The following CELF5 variants were observed in gnomAD, a reference collection of about 807,000 sequenced individuals.
The protein encoded by CELF5 is CUG-BP and ETR-3 like factor 5.
In CELF5, 6 loss-of-function variants were observed where a neutral mutation model predicts 54.9. The ratio of observed to expected loss-of-function variants is 0.11; its 90% CI spans 0.06 to 0.22. CELF5 has a LOEUF of 0.22. Among genes scored for constraint, CELF5 ranks in the 10% least tolerant of loss-of-function variants. The pLI, the probability that CELF5 is intolerant of heterozygous loss-of-function variation, is 1.00. For missense variants in CELF5, 401 were observed against 678.6 expected, an observed-to-expected ratio of 0.59 and a Z score of 4.54; for synonymous variants, 271 against 290.9, an observed-to-expected ratio of 0.93 and a Z score of 0.70.
At chr19:3,295,922 G>C (rs1281986617) in intron 12 of CELF5, 1 of 152,214 alleles carries the variant, frequency 6.6e-6, no homozygotes, top group Non-Finnish European at 1.5e-5. Context: ...CATTGTCCCT[G>C]CCTTCGAATC....
chr19:3,265,537 C>G (rs2316047), intron 2 of CELF5, among the ~76,000 whole-genome samples: 35,795 of 152,042 alleles, frequency 0.24, 4,458 homozygotes, highest in Middle Eastern at 0.3. Context: ...GAGACAGAGT[C>G]TCGCTGTTTT....
intron 2 of CELF5, among the ~76,000 whole-genome samples, chr19:3,259,963 G>A (rs2079785650): frequency 6.6e-6 from 1 of 152,084 alleles, no homozygotes; most frequent in South Asian, 2.1e-4. Context: ...AATAGAAAGA[G>A]AATGTGAGCC....
chr19:3,282,290 A>C lies in CELF5; in HGVS notation c.892+23A>C. 6.2e-7 allele frequency: 1 copy of C among 1,610,284 alleles called. No homozygotes were observed. The highest frequency in any genetic ancestry group is 8.5e-7 in the Non-Finnish European group (1 of 1,179,928). ...CTGGTGAGCCTCCTCCAGGCACCCA[A>C]GGATGGGTGGGCAGGGCTGGAGCCA... On this transcript the variant is annotated intron_variant, in intron 7 of 12. Coordinates refer to ENST00000292672, the MANE Select transcript of CELF5 (RefSeq NM_021938.4). The surrounding 1 kb of genome is among the most constrained non-coding windows in gnomAD (Gnocchi z 5.2).
intron 12 of CELF5, chr19:3,296,221 G>A (rs1399487814): frequency 1.3e-5 from 2 of 149,814 alleles, no homozygotes; most frequent in African/African-American, 2.5e-5. Context: ...CCCAATCCGC[G>A]ACACCCACGT....
chr19:3,236,860 G>A (rs1917626550), intron 1 of CELF5, among the ~76,000 whole-genome samples: 1 of 151,256 alleles, frequency 6.6e-6, no homozygotes, highest in Non-Finnish European at 1.5e-5. Flanking sequence ...TGGCGGGCCT[G>A]CACCTGTAAT....
At chr19:3,257,785 T>TTTTATTTATTTA (rs1204284655) in intron 2 of CELF5, among the ~76,000 whole-genome samples, 19 of 80,548 alleles carry the variant, frequency 2.4e-4, no homozygotes, top group Non-Finnish European at 2.4e-4. Flanking sequence ...CTCCATTTTT[T>TTTTATTTATTTA]TTTATTTATT....
chr19:3,291,532 A>G (rs975055923), intron 11 of CELF5, among the ~76,000 whole-genome samples: 3 of 139,408 alleles, frequency 2.2e-5, no homozygotes, highest in Admixed American at 7.8e-5. Context: ...AGATCGTGCC[A>G]TTGTACTCCA....
At chr19:3,292,316 T>G (rs72989282) in intron 11 of CELF5, among the ~76,000 whole-genome samples, 81,335 of 148,918 alleles carry the variant, frequency 0.55, 23,508 homozygotes, top group Middle Eastern at 0.69. Flanking sequence ...TTTTTTTTTT[T>G]TTTTGAAATG....
chr19:3,269,457 C>T (rs1369976696), intron 2 of CELF5, among the ~76,000 whole-genome samples: 3 of 152,106 alleles, frequency 2.0e-5, no homozygotes, highest in Non-Finnish European at 1.5e-5. Context: ...GGGTTACAGG[C>T]GTGAGCCACC....
chr19:3,235,500 G>GGATGAATA (rs1917501157), intron 1 of CELF5, among the ~76,000 whole-genome samples: 1 of 110,144 alleles, frequency 9.1e-6, no homozygotes, highest in Admixed American at 9.9e-5. Context: ...ATAGATGGGT[G>GGATGAATA]GGTGGGTGGA....
intron 11 of CELF5, 80 bp from the exon 12 acceptor site, chr19:3,293,239 G>A (rs1398950154): frequency 1.6e-5 from 25 of 1,575,682 alleles, no homozygotes; most frequent in East Asian, 1.1e-4. Flanking sequence ...CCCGTGAGCC[G>A]GGAAGCCAGG....
chr19:3,256,541 T>C (rs1385158410), intron 2 of CELF5, among the ~76,000 whole-genome samples: 5 of 84,556 alleles, frequency 5.9e-5, no homozygotes, highest in Non-Finnish European at 1.1e-4. Context: ...TCATTTATTA[T>C]TATTATTATT....
intron 1 of CELF5, among the ~76,000 whole-genome samples, chr19:3,247,086 G>A (rs959758428): frequency 1.3e-5 from 2 of 152,142 alleles, no homozygotes; most frequent in African/African-American, 4.8e-5. Context: ...TTGTGCTGGG[G>A]TGGGGGACAC....
intron 11 of CELF5, among the ~76,000 whole-genome samples, chr19:3,291,660 A>G (rs1053502710): frequency 3.3e-5 from 5 of 151,102 alleles, no homozygotes; most frequent in African/African-American, 1.2e-4. Flanking sequence ...CAGAGGGAAC[A>G]GCCCATGCAA....
intron 1 of CELF5, among the ~76,000 whole-genome samples, chr19:3,249,669 T>G (rs1300292380): frequency 6.6e-6 from 1 of 152,194 alleles, no homozygotes; most frequent in Admixed American, 6.5e-5. Flanking sequence ...GGTCCTGATT[T>G]CTGCCACCAT....
chr19:3,278,000 CCCTCTA>C (rs776441896), intron 4 of CELF5, 25 bp from the exon 5 acceptor site: 2 of 1,590,898 alleles, frequency 1.3e-6, no homozygotes, highest in Non-Finnish European at 1.7e-6. Flanking sequence ...GACCCCATCA[CCCTCTA>C]CCTCTTCTTC....
intron 1 of CELF5, among the ~76,000 whole-genome samples, chr19:3,229,830 C>T (rs1935602476): frequency 6.6e-6 from 1 of 152,148 alleles, no homozygotes; most frequent in African/African-American, 2.4e-5. Context: ...CCCAGAGGGG[C>T]GCTAACTCCA....
At chr19:3,283,819 AATT>A (rs2080190247) in intron 8 of CELF5, among the ~76,000 whole-genome samples, 1 of 150,326 alleles carries the variant, frequency 6.7e-6, no homozygotes, top group African/African-American at 2.5e-5. Context: ...ACGGTATTCA[AATT>A]TCACCATTTA....
intron 1 of CELF5, 101 bp from the exon 2 acceptor site, chr19:3,250,884 G>GTCGTTTCATTAA: frequency 1.7e-6 from 1 of 583,598 alleles, no homozygotes; most frequent in Non-Finnish European, 3.0e-6. Context: ...TCTGTGGATG[G>GTCGTTTCATTAA]AAGCTTGGGT....
Sources: gnomAD v4.1 joint callset for allele counts (sites outside exome capture counted in the v4.1 genomes callset) on GRCh38, gnomAD v4.1.1 for gene constraint, Gnocchi (gnomAD v3.1) non-coding constraint, MANE v1.5 for transcripts, NCBI Gene and HGNC (gene_info 2026-07-23, HGNC 2026-07-21) for gene names.